SUB1: variants seen among roughly 807,000 people sequenced by gnomAD.
SUB1 encodes activated RNA polymerase II transcriptional coactivator p15.
Under a neutral mutation model 16.9 loss-of-function variants are expected in SUB1, and 1 was observed. That is an observed-to-expected ratio of 0.06 (90% CI 0.02 to 0.28). SUB1 has a LOEUF of 0.28. Among genes scored for constraint, SUB1 ranks in the 10% least tolerant of loss-of-function variants. SUB1 has a pLI of 1.00. For synonymous variants in SUB1, 51 were observed against 46.9 expected (o/e 1.09, Z -0.36); for missense variants, 84 against 145.2 (o/e 0.58, Z 2.16).
At chr5:32,591,783 C>T in intron 3 of SUB1, 98 bp downstream of exon 3, 1 of 1,356,060 alleles carries the variant, frequency 7.4e-7, no homozygotes, top group Non-Finnish European at 9.7e-7. Flanking sequence ...TCACTGCAAC[C>T]TCAGCCTCCT....
intron 3 of SUB1, chr5:32,597,564 G>C (rs1738999311): frequency 6.6e-6 from 1 of 151,996 alleles, no homozygotes; most frequent in Admixed American, 6.6e-5. Context: ...CAATTTTTTG[G>C]GATATATATT....
chr5:32,588,521 A>T lies in SUB1; in HGVS notation c.9A>T (p.Lys3Asn), dbSNP rs762345942. MP[K>N]SKELVSSSSS... Reference sequence around the variant, plus strand: ...TGTATTTTTCTTTCAGGATGCCTAAATCAAAGGAACTTGTTTCTTCAAGCT... The same window carrying T: ...TGTATTTTTCTTTCAGGATGCCTAATTCAAAGGAACTTGTTTCTTCAAGCT... Residue 3 changes from lysine (K) to asparagine (N), a missense_variant, in exon 2 of 5, where the codon AAA (lysine) becomes AAT (asparagine). Coordinates refer to ENST00000265073, the MANE Select transcript of SUB1 (RefSeq NM_006713.4). 6 of 1,612,336 alleles carry T rather than the reference A, an allele frequency of 3.7e-6. No individual in the cohort carries two copies. Among genetic ancestry groups the T allele is most frequent in the Non-Finnish European group, 5.1e-6 (6 of 1,179,322 alleles).
chr5:32,598,700 G>C (rs918805093), intron 3 of SUB1: 1 of 268,516 alleles, frequency 3.7e-6, no homozygotes, highest in African/African-American at 2.2e-5. Flanking sequence ...TAATGTTTTC[G>C]TTATTTCTAG....
At chr5:32,595,948 A>T (rs1330982369) in intron 3 of SUB1, 2 of 148,010 alleles carry the variant, frequency 1.4e-5, no homozygotes, top group East Asian at 3.9e-4. Flanking sequence ...GGTTATTTTT[A>T]TATCTTTTGT....
chr5:32,592,332 A>T (rs1738848430), intron 3 of SUB1, among the ~76,000 whole-genome samples: 1 of 152,186 alleles, frequency 6.6e-6, no homozygotes. Context: ...TGACATGCCT[A>T]ATTTTGGCCT....
At chr5:32,599,807 C>A (rs1739072343) in intron 4 of SUB1, among the ~76,000 whole-genome samples, 1 of 152,026 alleles carries the variant, frequency 6.6e-6, no homozygotes, top group Admixed American at 6.6e-5. Flanking sequence ...TGGCCGATGC[C>A]ATATTTCTTG....
At position 32,594,727 on chromosome 5, in the gene SUB1, G is replaced by T. The variant is rs7733569; in HGVS notation, c.195+3042G>T. The T allele has an allele frequency of 1.6e-3, 501 of 307,438 alleles. 2 individuals are homozygous for T. Among genetic ancestry groups the T allele is most frequent in the African/African-American group, 0.011 (486 of 45,992 alleles). The allele number at this position is 307,438 out of a possible 1,614,324, so 19.0% of individuals were successfully genotyped here. The stretch of plus-strand genomic sequence containing the variant: ...CCCTATTGTGAACTGCGCATGCAAG[G>T]GATCTAGGTTGTGCGTTCCTTATTC... On this transcript the variant is annotated intron_variant, in intron 3 of 4. Transcript: ENST00000265073.
At chr5:32,593,843 G>A (rs1367468259) in intron 3 of SUB1, among the ~76,000 whole-genome samples, 2 of 152,056 alleles carry the variant, frequency 1.3e-5, no homozygotes, top group East Asian at 1.9e-4. Flanking sequence ...ACAGGCATGC[G>A]CCACCACCCC....
In SUB1 at chr5:32,599,063, A is replaced by G. The variant is rs764498471; in HGVS notation, c.298A>G (p.Arg100Gly). The change falls in exon 4 of 5, where the codon AGA becomes GGA. Residue 100 changes from arginine to glycine, a missense_variant. Arg to Gly is a moderately radical substitution (Grantham distance 125, BLOSUM62 -2). Coordinates refer to ENST00000265073, the MANE Select transcript of SUB1 (RefSeq NM_006713.4). ...MDPEGEMKPGRKGISLNPEQW... is the reference protein window; with the variant it reads ...MDPEGEMKPGGKGISLNPEQW... ...TCCTGAAGGTGAAATGAAACCAGGA[A>G]GAAAAGGTGAGGTCTAATTACTTGA... The G allele has an allele frequency of 6.2e-7, 1 of 1,611,252 alleles. No homozygotes were observed. The highest frequency in any genetic ancestry group is 8.5e-7 in the Non-Finnish European group (1 of 1,177,708).
rs1436945674 is a variant in SUB1, at chr5:32,599,033, A to G, written c.268A>G (p.Met90Val). Residue 90 changes from methionine (M) to valine (V), a missense_variant, in exon 4 of 5, where the codon ATG becomes GTG. Coordinates refer to ENST00000265073, the MANE Select transcript of SUB1 (RefSeq NM_006713.4). ...GCTAATTGATATTAGAGAATATTGG[A>G]TGGATCCTGAAGGTGAAATGAAACC... ...KVLIDIREYWMDPEGEMKPGR... is the reference protein window; with the variant it reads ...KVLIDIREYWVDPEGEMKPGR... 1.2e-6 allele frequency: 2 copies of G among 1,613,624 alleles called. No homozygotes were observed. Among genetic ancestry groups the G allele is most frequent in the Non-Finnish European group, 1.7e-6 (2 of 1,179,824 alleles).
intron 3 of SUB1, chr5:32,596,012 T>C (rs1438296447): frequency 6.6e-6 from 1 of 152,164 alleles, no homozygotes; most frequent in Non-Finnish European, 1.5e-5. Flanking sequence ...TGTAACACTT[T>C]ATATATTTTG....
At chr5:32,598,413 C>T (rs1739031653) in intron 3 of SUB1, 1 of 152,402 alleles carries the variant, frequency 6.6e-6, no homozygotes, top group South Asian at 2.1e-4. Context: ...ATGAACTGCT[C>T]AGCAGAGATG....
Position 32,602,321 on chromosome 5 carries a change from A to G in SUB1, c.*1237A>G. On this transcript the variant is annotated 3_prime_UTR_variant, in exon 5 of 5. Coordinates refer to ENST00000265073, the MANE Select transcript of SUB1 (RefSeq NM_006713.4). ...TAAAGGAGGCGGCAGTGAAGAGGAA[A>G]TAATTCTCTTCTATCTAAATGATAT... 1 of 426,346 alleles carries G rather than the reference A, an allele frequency of 2.3e-6. No homozygotes were observed. The highest frequency in any genetic ancestry group is 1.7e-5 in the South Asian group (1 of 59,352). 26.4% of individuals were successfully genotyped at this position (426,346 alleles called of 1,614,324 possible).
At chr5:32,593,789 G>A (rs1477220627) in intron 3 of SUB1, among the ~76,000 whole-genome samples, 6 of 152,112 alleles carry the variant, frequency 3.9e-5, no homozygotes, top group African/African-American at 1.4e-4. Context: ...CGCCTCCTGG[G>A]TTCAAGAGAT....
At chr5:32,599,207 A>G in intron 4 of SUB1, 138 bp downstream of exon 4, 1 of 651,232 alleles carries the variant, frequency 1.5e-6, no homozygotes, top group Non-Finnish European at 2.7e-6. Context: ...TTCTGTAGTT[A>G]TTTTGGACAT....
At position 32,601,433 on chromosome 5, in the gene SUB1, AAG is replaced by A. The variant is rs1454545261; in HGVS notation, c.*350_*351del. The A allele has an allele frequency of 3.3e-5, 6 of 182,270 alleles. No homozygotes were observed. The highest frequency in any genetic ancestry group is 1.4e-4 in the African/African-American group (6 of 41,938). The allele number at this position is 182,270 out of a possible 1,614,324, so 11.3% of individuals were successfully genotyped here. A position where few individuals can be genotyped will look rare whatever the true frequency, so the allele number is the denominator to read the frequency against. On this transcript the variant is annotated 3_prime_UTR_variant, in exon 5 of 5. Transcript: ENST00000265073. ...GTTTCAACTCAGCTTTTACAATAAA[AAG>A]GATTTGTATTGCATTGAGTTTATAA...
chr5:32,591,769 C>T (rs753030660), intron 3 of SUB1, 84 bp downstream of exon 3: 31 of 1,398,326 alleles, frequency 2.2e-5, no homozygotes, highest in Middle Eastern at 2.5e-4. Flanking sequence ...GGCGCCATCT[C>T]GGCTCACTGC....
intron 4 of SUB1, among the ~76,000 whole-genome samples, chr5:32,599,919 T>C (rs556823271): frequency 2.0e-5 from 3 of 152,244 alleles, no homozygotes; most frequent in Non-Finnish European, 2.9e-5. Flanking sequence ...GGTATTGGAA[T>C]GCTAGAACGT....
chr5:32,598,608 T>C, intron 3 of SUB1: 1 of 166,984 alleles, frequency 6.0e-6, no homozygotes, highest in South Asian at 1.7e-4. Context: ...ATAATAGATT[T>C]GTATGTTTTA....
Sources: gnomAD v4.1 joint callset for allele counts (sites outside exome capture counted in the v4.1 genomes callset) on GRCh38, gnomAD v4.1.1 for gene constraint, MANE v1.5 for transcripts, NCBI Gene and HGNC (gene_info 2026-07-23, HGNC 2026-07-21) for gene names.